BUD13: variants seen among roughly 807,000 people sequenced by gnomAD.
The protein encoded by BUD13 is BUD13 homolog.
BUD13 carries 47 observed loss-of-function variants against 62.5 expected under a neutral mutation model. That is an observed-to-expected ratio of 0.75 (90% CI 0.60 to 0.96). BUD13 has a LOEUF of 0.96. Among genes scored for constraint, BUD13 ranks in the 40% least tolerant of loss-of-function variants. The pLI is 0.00. For synonymous variants in BUD13, 293 were observed against 280.1 expected (o/e 1.05, Z -0.46); for missense variants, 821 against 790.9 (o/e 1.04, Z -0.46).
intron 4 of BUD13, 104 bp from the exon 5 acceptor site, chr11:116,761,056 C>T (rs1157228307): frequency 7.6e-6 from 7 of 918,632 alleles, no homozygotes; most frequent in Non-Finnish European, 8.1e-6. Flanking sequence ...TAAAGAATTC[C>T]TTACATTATT....
chr11:116,751,474 C>T (rs188022799), intron 9 of BUD13, among the ~76,000 whole-genome samples: 1 of 151,976 alleles, frequency 6.6e-6, no homozygotes, highest in East Asian at 1.9e-4. Flanking sequence ...ACTAAAAATA[C>T]AAAAATTAGC....
At chr11:116,769,389 C>T (rs1032481084) in intron 2 of BUD13, among the ~76,000 whole-genome samples, 2 of 152,302 alleles carry the variant, frequency 1.3e-5, no homozygotes, top group Admixed American at 6.5e-5. Context: ...CTCTAAAATA[C>T]AGCTATGTTC....
At chr11:116,766,174 T>C (rs1370320189) in intron 2 of BUD13, among the ~76,000 whole-genome samples, 1 of 152,260 alleles carries the variant, frequency 6.6e-6, no homozygotes, top group African/African-American at 2.4e-5. Flanking sequence ...TGACCTGTGA[T>C]GTAAGTCCAC....
chr11:116,770,324 T>C, intron 1 of BUD13, 102 bp from the exon 2 acceptor site: 1 of 940,622 alleles, frequency 1.1e-6, no homozygotes, highest in Non-Finnish European at 1.6e-6. Flanking sequence ...TACAGGATCC[T>C]GCATGGTCCA....
intron 9 of BUD13, among the ~76,000 whole-genome samples, chr11:116,749,331 A>C (rs1287584661): frequency 6.6e-6 from 1 of 152,204 alleles, no homozygotes; most frequent in African/African-American, 2.4e-5. Context: ...TAAACAAATA[A>C]ATTAAAAGAA....
rs759097955 is a variant in BUD13, at chr11:116,762,965, A to C, written c.624T>G (p.His208Gln). 3.1e-6 allele frequency: 5 copies of C among 1,613,702 alleles called. No homozygotes were observed. The change falls in exon 4 of 10, where the codon CAT becomes CAG. Residue 208 changes from histidine (H) to glutamine (Q), a missense_variant. By Grantham distance (24) the His-to-Gln change is conservative (BLOSUM62 0). This residue lies in a region of BUD13 where 800 missense variants were observed against 739.2 expected (regional missense o/e 1.08). Transcript: ENST00000260210. ...TCCTAGGAGATGCACCTGAAGAATTATGCTGAGGCCTCCTTGGGGGAGAAG... is the reference window on the plus strand; with the variant it reads ...TCCTAGGAGATGCACCTGAAGAATTCTGCTGAGGCCTCCTTGGGGGAGAAG... Reference protein sequence around the residue: ...PDPSPPRRPQHNSSGASPRRV... With the variant: ...PDPSPPRRPQQNSSGASPRRV...
At chr11:116,756,490 C>T (rs1376005088) in intron 9 of BUD13, among the ~76,000 whole-genome samples, 5 of 151,488 alleles carry the variant, frequency 3.3e-5, no homozygotes, top group East Asian at 3.9e-4. Flanking sequence ...CCAGCCTGGG[C>T]GACAGGGCGA....
rs189383917 is a variant in BUD13, at chr11:116,770,277, C to A, written c.144-55G>T. ...TCATTCTAGGATACCAGCATAAAAACATTTATCTATTGGTTTTAAAATAAA... is the reference window on the plus strand; with the variant it reads ...TCATTCTAGGATACCAGCATAAAAAAATTTATCTATTGGTTTTAAAATAAA... On this transcript the variant is annotated intron_variant, in intron 1 of 9. Transcript: ENST00000260210. 4 of 1,466,766 alleles carry A rather than the reference C, an allele frequency of 2.7e-6. No individual in the cohort carries two copies. In the African/African-American group the frequency reaches 5.7e-5, roughly 21 times the overall value. 90.9% of individuals were successfully genotyped at this position (1,466,766 alleles called of 1,614,324 possible). A position where few individuals can be genotyped will look rare whatever the true frequency, so the allele number is the denominator to read the frequency against.
rs150196703 is a variant in BUD13 at position 116,763,230 on chromosome 11, C to T, written c.359G>A (p.Arg120His). 3.1e-5 allele frequency: 48 copies of T among 1,549,746 alleles called. No individual in the cohort carries two copies. Among genetic ancestry groups the T allele is most frequent in the Admixed American group, 6.0e-5 (3 of 50,320 alleles). The change falls in exon 4 of 10, where the codon CGT becomes CAT. Residue 120 changes from arginine (R) to histidine (H), a missense_variant. Around this residue, in one of 2 missense-constraint regions of BUD13, gnomAD observed 800 missense variants for 739.2 expected, o/e 1.08. Transcript: ENST00000260210. ...AGGAGATGAATCCGGGGTATCGTGACGAAAATGTCTGTTTGAGGGTAGGTC... is the reference window on the plus strand; with the variant it reads ...AGGAGATGAATCCGGGGTATCGTGATGAAAATGTCTGTTTGAGGGTAGGTC... Reference protein sequence around the residue: ...NEDLPSNRHFRHDTPDSSPRR... With the variant: ...NEDLPSNRHFHHDTPDSSPRR...
intron 5 of BUD13, 48 bp downstream of exon 5, chr11:116,760,687 A>C (rs1475010727): frequency 6.4e-7 from 1 of 1,565,140 alleles, no homozygotes; most frequent in Admixed American, 1.7e-5. Context: ...TAAAGCTGAG[A>C]GAGAAGAGTC....
intron 1 of BUD13, 67 bp downstream of exon 1, chr11:116,772,755 G>GC: frequency 7.0e-7 from 1 of 1,434,484 alleles, no homozygotes; most frequent in Non-Finnish European, 9.1e-7. Context: ...CTGCCGGGCG[G>GC]CCGAGGGCGG....
In BUD13 at chr11:116,772,276, G is replaced by A. The variant is rs567114732; in HGVS notation, c.143+546C>T. Among the ~76,000 whole-genome samples the A allele has an allele frequency of 1.3e-5, 2 of 152,240 alleles. 1 individual carries two copies. Among genetic ancestry groups the A allele is most frequent in the South Asian group, 4.1e-4 (2 of 4,822 alleles). ...CATATGAAAATAATACCCACTTCAT[G>A]GTAGTGTGGTGAGGCTTAAATAAAC... On this transcript the variant is annotated intron_variant, in intron 1 of 9. Transcript: ENST00000260210.
At position 116,760,928 on chromosome 11, in the gene BUD13, G is replaced by T; in HGVS notation, c.1061C>A (p.Ser354Ter). 1 of 1,614,094 alleles carries T rather than the reference G, an allele frequency of 6.2e-7. No homozygotes were observed. The highest frequency in any genetic ancestry group is 1.1e-5 in the South Asian group (1 of 91,046). ...SKGDCQKATD[S>*]DLSSPRHKQS... ...TTTATGCCGTGGAGAAGAAAGGTCT[G>T]AATCAGTTGCTTTCTGGCAGTCACC... Residue 354 changes from serine to a stop codon, truncating the protein, a stop_gained, in exon 5 of 10, where the codon TCA (serine) becomes TAA (stop). Coordinates refer to ENST00000260210, the MANE Select transcript of BUD13 (RefSeq NM_032725.4). LOFTEE classifies it high-confidence loss of function.
At chr11:116,760,524 A>G (rs899103447) in intron 5 of BUD13, among the ~76,000 whole-genome samples, 17 of 152,344 alleles carry the variant, frequency 1.1e-4, no homozygotes, top group African/African-American at 4.1e-4. Flanking sequence ...CGCAGAAGCT[A>G]CTTGGGAAAT....
rs983232059 is a variant in BUD13 at position 116,760,836 on chromosome 11, T to G, written c.1153A>C (p.Ser385Arg). 1 of 1,613,946 alleles carries G rather than the reference T, an allele frequency of 6.2e-7. No individual in the cohort carries two copies. The highest frequency in any genetic ancestry group is 8.5e-7 in the Non-Finnish European group (1 of 1,180,002). Residue 385 changes from serine (S) to arginine (R), a missense_variant, in exon 5 of 10, where the codon AGC becomes CGC. Transcript: ENST00000260210. ...GGTGGAGAGAGGTCAGAATCAGAGC[T>G]CCGGTGTCTAGGTCTATTCCGTGGA... is the stretch of plus-strand genomic sequence containing the variant. ...SPPRNRPRHR[S>R]SDSDLSPPRR...
At chr11:116,772,057 G>C (rs1309375928) in intron 1 of BUD13, among the ~76,000 whole-genome samples, 1 of 151,032 alleles carries the variant, frequency 6.6e-6, no homozygotes, top group East Asian at 2.0e-4. Flanking sequence ...TTCCTTTGTT[G>C]CTGTGTCTGT....
Position 116,770,125 on chromosome 11 carries a change from A to G in BUD13, c.237+4T>C. ...AAAATCCTGACAGCCCCAAAGATAC[A>G]TACCACAGGCAAATCTCCATCATCT... On this transcript the variant is annotated splice_donor_region_variant and intron_variant, in intron 2 of 9. Coordinates refer to ENST00000260210, the MANE Select transcript of BUD13 (RefSeq NM_032725.4). The G allele has an allele frequency of 1.9e-6, 3 of 1,609,956 alleles. No individual in the cohort carries two copies. The highest frequency in any genetic ancestry group is 2.5e-6 in the Non-Finnish European group (3 of 1,177,976).
intron 3 of BUD13, among the ~76,000 whole-genome samples, chr11:116,764,843 T>C (rs1464423232): frequency 6.6e-6 from 1 of 152,176 alleles, no homozygotes; most frequent in Non-Finnish European, 1.5e-5. Flanking sequence ...ATTAAGATTA[T>C]TAGCTTAGGA....
intron 9 of BUD13, among the ~76,000 whole-genome samples, chr11:116,756,669 A>G (rs1940331764): frequency 1.3e-5 from 2 of 152,320 alleles, no homozygotes; most frequent in African/African-American, 4.8e-5. Flanking sequence ...CATCCATCAT[A>G]ACAGGAAGTT....
Sources: gnomAD v4.1 joint callset for allele counts (sites outside exome capture counted in the v4.1 genomes callset) on GRCh38, gnomAD v4.1.1 for gene constraint, gnomAD v4.1.1 regional missense constraint, MANE v1.5 for transcripts, NCBI Gene and HGNC (gene_info 2026-07-23, HGNC 2026-07-21) for gene names.